KCNN2: variants seen among roughly 807,000 people sequenced by gnomAD.
The protein encoded by KCNN2 is small conductance calcium-activated potassium channel protein 2.
KCNN2 carries 24 observed loss-of-function variants against 55.5 expected under a neutral mutation model. That is an observed-to-expected ratio of 0.43 (90% CI 0.31 to 0.61). The LOEUF (loss-of-function observed/expected upper bound fraction) is 0.61, where lower values mean the gene tolerates loss of function less well. KCNN2 is among the 20% of genes least tolerant of loss of function. The pLI, the probability that KCNN2 is intolerant of heterozygous loss-of-function variation, is 0.08. For missense variants in KCNN2, 754 were observed against 853.6 expected (o/e 0.88, Z 1.45); for synonymous variants, 431 against 336.1 (o/e 1.28, Z -3.09).
chr5:114,213,707 C>T (rs1039153772), intron 1 of KCNN2, among the ~76,000 whole-genome samples: 5 of 151,872 alleles, frequency 3.3e-5, no homozygotes, highest in African/African-American at 1.2e-4. Context: ...CTTATTATTG[C>T]CGTTGGTCTT....
chr5:114,177,962 C>A (rs72797666), intron 1 of KCNN2, among the ~76,000 whole-genome samples: 1 of 152,118 alleles, frequency 6.6e-6, no homozygotes, highest in African/African-American at 2.4e-5. Flanking sequence ...ACCTGTGTTA[C>A]GCCTGTCTTA....
At chr5:114,391,489 G>A (rs1434441213) in intron 2 of KCNN2, among the ~76,000 whole-genome samples, 2 of 151,806 alleles carry the variant, frequency 1.3e-5, no homozygotes, top group African/African-American at 4.8e-5. Context: ...AAGCTTTTCC[G>A]GCTCCAAAAT....
At chr5:114,244,797 T>A (rs1309891501) in intron 2 of KCNN2, among the ~76,000 whole-genome samples, 1 of 152,144 alleles carries the variant, frequency 6.6e-6, no homozygotes, top group Non-Finnish European at 1.5e-5. Context: ...CTTTACTCAT[T>A]GAAGCTAACA....
At chr5:114,306,094 G>T (rs1254936519) in intron 2 of KCNN2, among the ~76,000 whole-genome samples, 1 of 152,202 alleles carries the variant, frequency 6.6e-6, no homozygotes, top group African/African-American at 2.4e-5. Context: ...AAGTAGAGTT[G>T]TCATAGCCCT....
intron 3 of KCNN2, among the ~76,000 whole-genome samples, chr5:114,412,984 A>G (rs1759182810): frequency 6.6e-6 from 1 of 152,190 alleles, no homozygotes; most frequent in Non-Finnish European, 1.5e-5. Context: ...GTTGATGGCA[A>G]TGTAATACTT....
intron 1 of KCNN2, among the ~76,000 whole-genome samples, chr5:114,098,064 C>G (rs1025891220): frequency 6.6e-6 from 1 of 152,228 alleles, no homozygotes; most frequent in Non-Finnish European, 1.5e-5. Flanking sequence ...CTTCCCTTCT[C>G]TTTTCTAGTT....
At chr5:114,461,602 G>C (rs549950612) in intron 3 of KCNN2, among the ~76,000 whole-genome samples, 48 of 152,292 alleles carry the variant, frequency 3.2e-4, no homozygotes, top group African/African-American at 1.1e-3. Context: ...TGATAAGAAT[G>C]GGTCTCTTGT....
At chr5:114,151,060 G>A (rs1041272027) in intron 1 of KCNN2, among the ~76,000 whole-genome samples, 2 of 151,292 alleles carry the variant, frequency 1.3e-5, no homozygotes, top group Non-Finnish European at 2.9e-5. Context: ...AACAAATAAA[G>A]CAAGATTCCT....
chr5:114,159,681 G>T (rs924461396), intron 1 of KCNN2, among the ~76,000 whole-genome samples: 3 of 152,070 alleles, frequency 2.0e-5, no homozygotes, highest in East Asian at 1.9e-4. Context: ...TAATTTCAGA[G>T]CCTGTTATTG....
intron 5 of KCNN2, among the ~76,000 whole-genome samples, chr5:114,476,385 G>A (rs1348087668): frequency 6.6e-6 from 1 of 151,632 alleles, no homozygotes; most frequent in Non-Finnish European, 1.5e-5. Context: ...TGAGACCGGA[G>A]TCTCTTATAG....
At chr5:114,292,896 A>G (rs1349782108) in intron 2 of KCNN2, among the ~76,000 whole-genome samples, 1 of 152,176 alleles carries the variant, frequency 6.6e-6, no homozygotes, top group Non-Finnish European at 1.5e-5. Flanking sequence ...CTCCTTGAAG[A>G]GGTCCTTCAC....
intron 5 of KCNN2, among the ~76,000 whole-genome samples, chr5:114,478,059 C>G (rs1047861259): frequency 2.0e-5 from 3 of 152,064 alleles, no homozygotes; most frequent in Non-Finnish European, 4.4e-5. Context: ...CAACATTCAC[C>G]CAGGCCTCAT....
At chr5:114,334,272 G>C (rs954307441) in intron 2 of KCNN2, among the ~76,000 whole-genome samples, 2 of 69,828 alleles carry the variant, frequency 2.9e-5, no homozygotes, top group African/African-American at 8.3e-5. Context: ...GTGTGTGTGT[G>C]TGTGTGTGTG....
chr5:114,076,356 A>T (rs1456013981), intron 1 of KCNN2, among the ~76,000 whole-genome samples: 1 of 152,192 alleles, frequency 6.6e-6, no homozygotes, highest in African/African-American at 2.4e-5. Flanking sequence ...TCATTTTGGG[A>T]TCTCTGCTAT....
rs922179584 is a variant in KCNN2, at chr5:114,379,258, C to T, written c.1218+15257C>T. 3.9e-5 allele frequency among the ~76,000 whole-genome samples: 6 copies of T among 152,076 alleles called. No homozygotes were observed. In the South Asian group the frequency reaches 6.2e-4, roughly 16 times the overall value. ...TTCTGCCCATCTCCCCACACACTTG[C>T]AAGAGTCCTCAGGAAACTATGGCCA... On this transcript the variant is annotated intron_variant, in intron 2 of 7. Transcript: ENST00000673685.
intron 5 of KCNN2, among the ~76,000 whole-genome samples, chr5:114,484,595 C>T (rs1762369219): frequency 6.6e-6 from 1 of 152,198 alleles, no homozygotes. Flanking sequence ...ACCCTGTCTT[C>T]TCACTGTCCT....
At chr5:114,229,305 T>A (rs151023261) in intron 2 of KCNN2, among the ~76,000 whole-genome samples, 1 of 151,746 alleles carries the variant, frequency 6.6e-6, no homozygotes, top group Non-Finnish European at 1.5e-5. Context: ...TTTTTTAACA[T>A]TTTCTTTTTT....
intron 2 of KCNN2, among the ~76,000 whole-genome samples, chr5:114,297,282 C>T (rs901434476): frequency 5.3e-5 from 8 of 152,022 alleles, no homozygotes; most frequent in African/African-American, 1.9e-4. Flanking sequence ...TGCACCACTG[C>T]ACTGCAGCCT....
chr5:114,195,304 A>G (rs969326482), intron 1 of KCNN2, among the ~76,000 whole-genome samples: 1 of 151,062 alleles, frequency 6.6e-6, no homozygotes, highest in African/African-American at 2.4e-5. Context: ...ACAATATTTT[A>G]TTTTCTGAAC....
Sources: allele counts gnomAD v4.1 joint callset (sites outside exome capture counted in the v4.1 genomes callset), GRCh38; gene constraint gnomAD v4.1.1; transcripts MANE v1.5; gene names NCBI Gene and HGNC (gene_info 2026-07-23, HGNC 2026-07-21).